Variants in ADGB observed in about 807,000 individuals in gnomAD.
ADGB encodes the protein calpain-7-like protein.
A neutral mutation model predicts 210.5 loss-of-function variants in ADGB; 172 were observed. The observed-to-expected ratio is 0.82, with a 90% CI of 0.72 to 0.93. ADGB has a LOEUF of 0.93. Among genes scored for constraint, ADGB ranks in the 40% least tolerant of loss-of-function variants. The probability of loss-of-function intolerance (pLI) is 0.00; values close to 1 mark genes in which losing one functional copy is unlikely to be tolerated. For missense variants in ADGB, 2,025 were observed against 1,964.8 expected, an observed-to-expected ratio of 1.03 and a Z score of -0.58; for synonymous variants, 658 against 662.7, an observed-to-expected ratio of 0.99 and a Z score of 0.11.
chr6:146,728,065 A>G (rs1324664171), intron 19 of ADGB, among the ~76,000 whole-genome samples: 1 of 152,160 alleles, frequency 6.6e-6, no homozygotes, highest in Non-Finnish European at 1.5e-5. Flanking sequence ...ACCAACCACA[A>G]CAGCTCCAAA....
chr6:146,614,765 A>G (rs1780766152), intron 1 of ADGB, among the ~76,000 whole-genome samples: 1 of 152,176 alleles, frequency 6.6e-6, no homozygotes, highest in Non-Finnish European at 1.5e-5. Context: ...AGTTCTGCAG[A>G]ATGTACAGGA....
At chr6:146,801,388 G>T in intron 34 of ADGB, 109 bp downstream of exon 34, 1 of 643,022 alleles carries the variant, frequency 1.6e-6, no homozygotes. Flanking sequence ...CCTGATTAAG[G>T]TGAGATGAGC....
chr6:146,692,879 A>G lies in ADGB; in HGVS notation c.1541A>G (p.Asn514Ser). 6.5e-7 allele frequency: 1 copy of G among 1,539,536 alleles called. No homozygotes were observed. Among genetic ancestry groups the G allele is most frequent in the East Asian group, 2.5e-5 (1 of 40,694 alleles). Reference protein sequence around the residue: ...RFLEISSPFLNYRMTPFTIPT... With the variant: ...RFLEISSPFLSYRMTPFTIPT... ...CTTGAGATTTCAAGTCCATTTTTGA[A>G]TTATAGAATGACTCCATTTACAATT... Residue 514 changes from asparagine (N) to serine (S), a missense_variant, in exon 12 of 36, where the codon AAT (asparagine) becomes AGT (serine). Physicochemically the swap from Asn to Ser is conservative, Grantham distance 46. Transcript: ENST00000397944.
intron 27 of ADGB, among the ~76,000 whole-genome samples, chr6:146,762,218 G>GT (rs1270731299): frequency 6.6e-6 from 1 of 151,944 alleles, no homozygotes; most frequent in Non-Finnish European, 1.5e-5. Flanking sequence ...CTCTTTTGAA[G>GT]TTTTTTCACT....
At chr6:146,688,325 G>A (rs1776260500) in intron 10 of ADGB, among the ~76,000 whole-genome samples, 1 of 152,070 alleles carries the variant, frequency 6.6e-6, no homozygotes, top group Non-Finnish European at 1.5e-5. Context: ...ACAGAAACAT[G>A]TCATCCTTTC....
At chr6:146,601,396 G>A (rs1015043189) in intron 1 of ADGB, among the ~76,000 whole-genome samples, 1 of 152,140 alleles carries the variant, frequency 6.6e-6, no homozygotes, top group Non-Finnish European at 1.5e-5. Context: ...CAAATCATTA[G>A]ATTTTTCTGC....
intron 33 of ADGB, among the ~76,000 whole-genome samples, chr6:146,800,442 T>C (rs1778111650): frequency 6.6e-6 from 1 of 152,216 alleles, no homozygotes; most frequent in African/African-American, 2.4e-5. Context: ...ATTTTGTTGA[T>C]GGTCACACAA....
At chr6:146,749,749 G>A (rs904465721) in intron 26 of ADGB, among the ~76,000 whole-genome samples, 4 of 152,148 alleles carry the variant, frequency 2.6e-5, no homozygotes, top group African/African-American at 9.7e-5. Context: ...CATGGCTGGA[G>A]AAGCCTCAGG....
At chr6:146,694,019 T>C (rs1200891339) in intron 12 of ADGB, among the ~76,000 whole-genome samples, 2 of 152,192 alleles carry the variant, frequency 1.3e-5, no homozygotes, top group African/African-American at 2.4e-5. Context: ...TCTATAGCTC[T>C]CTTCTTTCCT....
At position 146,644,637 on chromosome 6, in the gene ADGB, T is replaced by C. The variant is rs553970787; in HGVS notation, c.238-136T>C. 3.0e-4 allele frequency: 150 copies of C among 505,604 alleles called. 1 individual carries two copies. The highest frequency in any genetic ancestry group is 2.3e-3 in the Middle Eastern group (4 of 1,762). 31.3% of individuals were successfully genotyped at this position (505,604 alleles called of 1,614,324 possible). Reference sequence around the variant, plus strand: ...CTTTAAATACTCCATGAATTAGCTCTTACAACAAGAACACAAACTGCTTTG... The same window carrying C: ...CTTTAAATACTCCATGAATTAGCTCCTACAACAAGAACACAAACTGCTTTG... On this transcript the variant is annotated intron_variant, in intron 2 of 35. Coordinates refer to ENST00000397944, the MANE Select transcript of ADGB (RefSeq NM_024694.4).
At chr6:146,669,827 A>G (rs1775983130) in intron 7 of ADGB, among the ~76,000 whole-genome samples, 1 of 152,128 alleles carries the variant, frequency 6.6e-6, no homozygotes, top group African/African-American at 2.4e-5. Flanking sequence ...TAAGTTACGT[A>G]GCTATGTGAA....
chr6:146,602,651 C>T (rs1474956895), intron 1 of ADGB, among the ~76,000 whole-genome samples: 3 of 152,150 alleles, frequency 2.0e-5, no homozygotes, highest in Admixed American at 1.3e-4. Flanking sequence ...GGAAGGCTGT[C>T]TACGTCAAGG....
intron 27 of ADGB, among the ~76,000 whole-genome samples, chr6:146,760,200 C>G (rs1249630758): frequency 6.6e-6 from 1 of 151,472 alleles, no homozygotes; most frequent in Non-Finnish European, 1.5e-5. Flanking sequence ...TGACCCACAC[C>G]CCTAACAAGG....
rs73584839 is a variant in ADGB, at chr6:146,778,463, A to C, written c.3863-3557A>C. Among the ~76,000 whole-genome samples the C allele has an allele frequency of 5.7e-3, 871 of 152,190 alleles. 10 individuals are homozygous for C. The highest frequency in any genetic ancestry group is 0.02 in the African/African-American group (831 of 41,518). ...ACTTTCTATCTTGGGTTTCTGAGAA[A>C]AGTTTATTTTAATATGTGGTTTTCT... On this transcript the variant is annotated intron_variant, in intron 29 of 35. Transcript: ENST00000397944.
chr6:146,688,107 A>G (rs895999576), intron 10 of ADGB, among the ~76,000 whole-genome samples: 1 of 152,130 alleles, frequency 6.6e-6, no homozygotes, highest in African/African-American at 2.4e-5. Context: ...AGATACAATG[A>G]TAAGCAAGAT....
chr6:146,676,095 G>A (rs904881006), intron 8 of ADGB, among the ~76,000 whole-genome samples: 2 of 152,034 alleles, frequency 1.3e-5, no homozygotes, highest in Non-Finnish European at 2.9e-5. Flanking sequence ...AAGCAATGCT[G>A]TATTTATTTC....
chr6:146,631,624 T>C (rs1250259127), intron 1 of ADGB, among the ~76,000 whole-genome samples: 1 of 152,114 alleles, frequency 6.6e-6, no homozygotes, highest in African/African-American at 2.4e-5. Flanking sequence ...TATTACTTTG[T>C]CCAGGTACCA....
At chr6:146,797,355 C>A (rs374694002) in intron 33 of ADGB, among the ~76,000 whole-genome samples, 4 of 152,128 alleles carry the variant, frequency 2.6e-5, no homozygotes, top group East Asian at 3.9e-4. Context: ...GGGTACCTAC[C>A]CAAAGGAAAA....
At chr6:146,666,070 T>A (rs777120077) in intron 6 of ADGB, among the ~76,000 whole-genome samples, 9 of 152,182 alleles carry the variant, frequency 5.9e-5, no homozygotes, top group Non-Finnish European at 8.8e-5. Flanking sequence ...TAATGGCATA[T>A]GTGACTAAGA....
Sources: allele counts gnomAD v4.1 joint callset (sites outside exome capture counted in the v4.1 genomes callset), GRCh38; gene constraint gnomAD v4.1.1; transcripts MANE v1.5; gene names NCBI Gene and HGNC (gene_info 2026-07-23, HGNC 2026-07-21).